Variants in AMBRA1 observed in about 807,000 individuals in gnomAD.
The protein encoded by AMBRA1 is autophagy and beclin 1 regulator 1.
In AMBRA1, 47 loss-of-function variants were observed where a neutral mutation model predicts 125.4. The ratio of observed to expected loss-of-function variants is 0.37; its 90% CI spans 0.30 to 0.48. The LOEUF (loss-of-function observed/expected upper bound fraction) is 0.48, where lower values mean the gene tolerates loss of function less well. Ranked by LOEUF, AMBRA1 falls within the 20% of genes least tolerant of loss-of-function variation. The pLI, the probability that AMBRA1 is intolerant of heterozygous loss-of-function variation, is 0.99. For missense variants in AMBRA1, 1,331 were observed against 1,693.4 expected (o/e 0.79, Z 3.76); for synonymous variants, 626 against 655.5 (o/e 0.95, Z 0.69).
At chr11:46,434,821 T>C in intron 13 of AMBRA1, 28 bp downstream of exon 13, 1 of 1,554,166 alleles carries the variant, frequency 6.4e-7, no homozygotes, top group Non-Finnish European at 8.7e-7. Flanking sequence ...CGTCCCTCTG[T>C]CATTAGGTTG....
At chr11:46,563,759 T>G (rs1409940307) in intron 1 of AMBRA1, among the ~76,000 whole-genome samples, 1 of 148,868 alleles carries the variant, frequency 6.7e-6, no homozygotes, top group Non-Finnish European at 1.5e-5. Flanking sequence ...AGAATTCACT[T>G]GAACCTAGGA....
At chr11:46,507,194 A>AC (rs1951071814) in intron 9 of AMBRA1, among the ~76,000 whole-genome samples, 1 of 142,618 alleles carries the variant, frequency 7.0e-6, no homozygotes, top group African/African-American at 2.6e-5. Context: ...AAAAAAAAAA[A>AC]AAAGGCTTGG....
At chr11:46,576,569 C>A (rs1017353689) in intron 1 of AMBRA1, among the ~76,000 whole-genome samples, 1 of 152,186 alleles carries the variant, frequency 6.6e-6, no homozygotes, top group Non-Finnish European at 1.5e-5. Context: ...GGAGAAGATA[C>A]TTCATAATAT....
intron 2 of AMBRA1, 96 bp from the exon 3 acceptor site, chr11:46,547,971 T>G: frequency 7.1e-7 from 1 of 1,415,712 alleles, no homozygotes; most frequent in Non-Finnish European, 9.7e-7. Flanking sequence ...AGATTAGCAT[T>G]CACAGTGTAG....
intron 7 of AMBRA1, among the ~76,000 whole-genome samples, chr11:46,534,368 G>A (rs758604781): frequency 2.3e-4 from 35 of 151,812 alleles, no homozygotes; most frequent in Non-Finnish European, 4.4e-4. Context: ...GGTGGCAGGC[G>A]CCTGTAATCC....
At chr11:46,406,947 G>A (rs564603479) in intron 17 of AMBRA1, among the ~76,000 whole-genome samples, 6 of 152,072 alleles carry the variant, frequency 3.9e-5, no homozygotes, top group South Asian at 4.1e-4. Context: ...TTGGGAGTCC[G>A]AGGTAGGCGG....
At chr11:46,450,635 G>A (rs984956102) in intron 11 of AMBRA1, among the ~76,000 whole-genome samples, 2 of 151,934 alleles carry the variant, frequency 1.3e-5, no homozygotes, top group African/African-American at 4.8e-5. Context: ...TAGAGATGGG[G>A]TTTCACCATG....
intron 11 of AMBRA1, among the ~76,000 whole-genome samples, chr11:46,471,637 GT>G (rs796326490): frequency 3.5e-5 from 5 of 143,736 alleles, no homozygotes; most frequent in Non-Finnish European, 4.6e-5. Context: ...GTTTTGTTTT[GT>G]TTTTTTTTTA....
chr11:46,474,312 T>A (rs1949723957), intron 11 of AMBRA1, among the ~76,000 whole-genome samples: 1 of 152,160 alleles, frequency 6.6e-6, no homozygotes, highest in Non-Finnish European at 1.5e-5. Flanking sequence ...ATAAATAAAT[T>A]AATTATTATC....
intron 14 of AMBRA1, chr11:46,428,901 G>A: frequency 6.2e-7 from 1 of 1,611,906 alleles, no homozygotes; most frequent in South Asian, 1.1e-5. Flanking sequence ...GGGGGCAGAT[G>A]AAGGTAATCA....
intron 11 of AMBRA1, among the ~76,000 whole-genome samples, chr11:46,464,462 A>G (rs1461382363): frequency 6.6e-6 from 1 of 152,230 alleles, no homozygotes; most frequent in Non-Finnish European, 1.5e-5. Context: ...TCAAAGGCAC[A>G]GAGCTCCCAG....
chr11:46,593,362 A>T (rs911084466), intron 1 of AMBRA1, among the ~76,000 whole-genome samples: 1 of 152,050 alleles, frequency 6.6e-6, no homozygotes, highest in Non-Finnish European at 1.5e-5. Flanking sequence ...AAAAGGCGAG[A>T]ACATAACACT....
intron 17 of AMBRA1, among the ~76,000 whole-genome samples, chr11:46,407,580 G>A (rs1194133121): frequency 1.3e-5 from 2 of 152,256 alleles, no homozygotes; most frequent in Non-Finnish European, 1.5e-5. Flanking sequence ...AAGCACAAAT[G>A]CAGGAGGTGG....
intron 11 of AMBRA1, among the ~76,000 whole-genome samples, chr11:46,465,716 G>A (rs1181011327): frequency 1.3e-5 from 2 of 152,158 alleles, no homozygotes; most frequent in African/African-American, 4.8e-5. Flanking sequence ...GTGTAAGGAG[G>A]TAGAAAGGAA....
intron 11 of AMBRA1, among the ~76,000 whole-genome samples, chr11:46,477,099 T>TAAA (rs1949845755): frequency 8.7e-6 from 1 of 114,782 alleles, no homozygotes; most frequent in African/African-American, 3.5e-5. Context: ...CAAGACTGTC[T>TAAA]CAAAAAAAAA....
chr11:46,492,028 G>A (rs1211141747), intron 11 of AMBRA1, among the ~76,000 whole-genome samples: 1 of 152,216 alleles, frequency 6.6e-6, no homozygotes, highest in Non-Finnish European at 1.5e-5. Context: ...AAGAGCTCTA[G>A]AGTATTGTCT....
intron 7 of AMBRA1, among the ~76,000 whole-genome samples, chr11:46,539,501 G>A (rs1952635676): frequency 6.7e-6 from 1 of 148,822 alleles, no homozygotes; most frequent in South Asian, 2.2e-4. Context: ...AGGTTGTGGT[G>A]AGCCGAGATC....
intron 11 of AMBRA1, among the ~76,000 whole-genome samples, chr11:46,475,016 T>A (rs1237240174): frequency 1.3e-5 from 2 of 152,156 alleles, no homozygotes; most frequent in Non-Finnish European, 2.9e-5. Context: ...ACCTGAGTAC[T>A]TGGAGAGGAG....
intron 15 of AMBRA1, among the ~76,000 whole-genome samples, chr11:46,417,298 C>T (rs1296483554): frequency 6.6e-6 from 1 of 152,170 alleles, no homozygotes; most frequent in Non-Finnish European, 1.5e-5. Flanking sequence ...GATCCGCCTG[C>T]CTCAGCTTCT....
Sources: allele counts gnomAD v4.1 joint callset (sites outside exome capture counted in the v4.1 genomes callset), GRCh38; gene constraint gnomAD v4.1.1; transcripts MANE v1.5; gene names NCBI Gene and HGNC (gene_info 2026-07-23, HGNC 2026-07-21).